Variants in SND1 observed in about 807,000 individuals in gnomAD.
SND1 encodes the protein staphylococcal nuclease and tudor domain containing 1.
In SND1, 38 loss-of-function variants were observed where a neutral mutation model predicts 121.7. That is an observed-to-expected ratio of 0.31 (90% CI 0.24 to 0.41). The LOEUF (loss-of-function observed/expected upper bound fraction) is 0.41, where lower values mean the gene tolerates loss of function less well. Among genes scored for constraint, SND1 ranks in the 10% least tolerant of loss-of-function variants. The probability of loss-of-function intolerance (pLI) is 1.00; values close to 1 mark genes in which losing one functional copy is unlikely to be tolerated. For synonymous variants in SND1, 401 were observed against 447.4 expected (o/e 0.90, Z 1.31); for missense variants, 868 against 1,184.6 (o/e 0.73, Z 3.92).
chr7:127,788,831 T>C (rs1402480516), intron 10 of SND1, among the ~76,000 whole-genome samples: 2 of 152,204 alleles, frequency 1.3e-5, no homozygotes, highest in African/African-American at 4.8e-5. Context: ...GGCCATACTT[T>C]TGCACATGTC....
At chr7:127,740,228 G>T (rs1335983024) in intron 10 of SND1, among the ~76,000 whole-genome samples, 1 of 152,170 alleles carries the variant, frequency 6.6e-6, no homozygotes, top group Non-Finnish European at 1.5e-5. Context: ...GTGTGTGTTT[G>T]TGTGGACTAC....
At chr7:128,010,022 G>A (rs1388547153) in intron 16 of SND1, among the ~76,000 whole-genome samples, 3 of 152,154 alleles carry the variant, frequency 2.0e-5, no homozygotes, top group South Asian at 4.1e-4. Flanking sequence ...CACAGACTGC[G>A]GAGTCGTCAC....
intron 1 of SND1, among the ~76,000 whole-genome samples, chr7:127,685,006 A>G (rs1190753688): frequency 1.3e-5 from 2 of 152,194 alleles, no homozygotes; most frequent in Non-Finnish European, 2.9e-5. Context: ...ATATTCGTAC[A>G]AAATCCTTGG....
In SND1 at chr7:127,741,916, C is replaced by G. The variant is rs1032261535; in HGVS notation, c.1152+20516C>G. Among the ~76,000 whole-genome samples, 4 of 152,142 alleles carry G rather than the reference C, an allele frequency of 2.6e-5. 1 individual carries two copies. The highest frequency in any genetic ancestry group is 7.2e-5 in the African/African-American group (3 of 41,436). On this transcript the variant is annotated intron_variant, in intron 10 of 23. Transcript: ENST00000354725. The stretch of plus-strand genomic sequence containing the variant: ...TCTAATACCCTGAAATTGCTGGGCT[C>G]TGTTACATTGTTCTCAATTGTTCTC...
intron 11 of SND1, among the ~76,000 whole-genome samples, chr7:127,842,407 C>T (rs990205637): frequency 6.6e-6 from 1 of 152,128 alleles, no homozygotes; most frequent in Non-Finnish European, 1.5e-5. Context: ...AATAAAAAAG[C>T]ATTGTTTAGT....
At chr7:127,703,344 T>C (rs1422310195) in intron 7 of SND1, 21 bp downstream of exon 7, 4 of 1,612,268 alleles carry the variant, frequency 2.5e-6, no homozygotes, top group African/African-American at 1.3e-5. Context: ...CTGTGCAGAC[T>C]GGGTGGTGAT....
At chr7:127,803,252 A>G (rs779141656) in intron 10 of SND1, among the ~76,000 whole-genome samples, 10 of 152,048 alleles carry the variant, frequency 6.6e-5, no homozygotes, top group Non-Finnish European at 1.3e-4. Context: ...GATAAAATCA[A>G]TCTCAGTGCG....
intron 3 of SND1, among the ~76,000 whole-genome samples, chr7:127,696,832 T>C (rs904980171): frequency 1.3e-5 from 2 of 152,254 alleles, no homozygotes; most frequent in African/African-American, 4.8e-5. Flanking sequence ...GTTAACACAT[T>C]AGTGTTTAGA....
chr7:128,058,043 G>A (rs751556852), intron 16 of SND1, among the ~76,000 whole-genome samples: 1 of 152,242 alleles, frequency 6.6e-6, no homozygotes, highest in African/African-American at 2.4e-5. Context: ...ATCAGGCCAG[G>A]ATTCACAACC....
intron 10 of SND1, among the ~76,000 whole-genome samples, chr7:127,800,917 A>G (rs1382145325): frequency 6.6e-6 from 1 of 152,074 alleles, no homozygotes; most frequent in Non-Finnish European, 1.5e-5. Context: ...CTGCATTTAT[A>G]TTGGGTTTTA....
intron 11 of SND1, among the ~76,000 whole-genome samples, chr7:127,822,011 G>A (rs1021231663): frequency 2.0e-5 from 3 of 152,076 alleles, no homozygotes; most frequent in Admixed American, 2.0e-4. Context: ...TTTCTCTTAT[G>A]TATTCATTTT....
At chr7:127,723,108 A>G (rs1158199215) in intron 10 of SND1, among the ~76,000 whole-genome samples, 1 of 152,206 alleles carries the variant, frequency 6.6e-6, no homozygotes, top group Non-Finnish European at 1.5e-5. Flanking sequence ...GTTAATGTAG[A>G]CTATATAGCT....
At chr7:128,073,928 CCTT>C (rs1435351471) in intron 16 of SND1, among the ~76,000 whole-genome samples, 4 of 152,160 alleles carry the variant, frequency 2.6e-5, no homozygotes, top group Non-Finnish European at 4.4e-5. Context: ...TCTGGCCACT[CCTT>C]CTGCGGGATT....
At chr7:127,887,860 T>C in intron 12 of SND1, 42 bp from the exon 13 acceptor site, 1 of 1,308,260 alleles carries the variant, frequency 7.6e-7, no homozygotes. Context: ...CTGAGCCCCA[T>C]ATGCACTTCT....
At chr7:128,035,146 A>T (rs1371231096) in intron 16 of SND1, among the ~76,000 whole-genome samples, 1 of 152,226 alleles carries the variant, frequency 6.6e-6, no homozygotes, top group Non-Finnish European at 1.5e-5. Flanking sequence ...TAAGATTGGG[A>T]TACCTGAGTT....
chr7:127,912,021 T>C lies in SND1; in HGVS notation c.1527+7202T>C, dbSNP rs548889325. Among the ~76,000 whole-genome samples the C allele has an allele frequency of 1.4e-4, 21 of 151,640 alleles. No homozygotes were observed. In the South Asian group the frequency reaches 4.4e-3, roughly 32 times the overall value. On this transcript the variant is annotated intron_variant, in intron 14 of 23. Transcript: ENST00000354725. ...TTAAGATGAGATCTTACTATGTTGC[T>C]CAGGCTGGACTCGAACTCCTGGGCT... is the stretch of plus-strand genomic sequence containing the variant.
intron 16 of SND1, among the ~76,000 whole-genome samples, chr7:128,060,396 A>G (rs908382731): frequency 1.3e-5 from 2 of 152,228 alleles, no homozygotes; most frequent in African/African-American, 4.8e-5. Context: ...ACATGGAAGC[A>G]TGACACCATT....
intron 16 of SND1, chr7:127,998,593 A>G (rs186966107): frequency 6.5e-6 from 1 of 153,590 alleles, no homozygotes; most frequent in East Asian, 1.9e-4. Context: ...GTTCCTGAAT[A>G]CCAGGTTGTT....
intron 12 of SND1, among the ~76,000 whole-genome samples, chr7:127,854,529 A>C (rs893476827): frequency 1.4e-5 from 2 of 147,540 alleles, no homozygotes; most frequent in Admixed American, 7.0e-5. Flanking sequence ...CTGACCTCCT[A>C]CTAGCATTCT....
Sources: gnomAD v4.1 joint callset for allele counts (sites outside exome capture counted in the v4.1 genomes callset) on GRCh38, gnomAD v4.1.1 for gene constraint, MANE v1.5 for transcripts, NCBI Gene and HGNC (gene_info 2026-07-23, HGNC 2026-07-21) for gene names.